RTL10: variants seen among roughly 807,000 people sequenced by gnomAD.
The protein encoded by RTL10 is retrotransposon Gag like 10, also known as protein Bop.
For missense variants in RTL10, 477 were observed against 470.7 expected, an observed-to-expected ratio of 1.01 and a Z score of -0.12; for synonymous variants, 199 against 188.4, an observed-to-expected ratio of 1.06 and a Z score of -0.46.
At chr22:19,853,072 G>C (rs1042412510) in intron 2 of RTL10, among the ~76,000 whole-genome samples, 1 of 152,148 alleles carries the variant, frequency 6.6e-6, no homozygotes, top group Non-Finnish European at 1.5e-5. Flanking sequence ...TTCCCCGACA[G>C]AGCAGTGAGC....
In RTL10 at chr22:19,847,928, A is replaced by G. The variant is rs756799717; in HGVS notation, c.*3239T>C. On this transcript the variant is annotated 3_prime_UTR_variant, in exon 3 of 3. Coordinates refer to ENST00000328554, the MANE Select transcript of RTL10 (RefSeq NM_024627.6). ...AGTGAGGCACATACATGGCTTTACT[A>G]TTTTCCAGAGGGCCAACTGCTTTTA... 8.5e-5 allele frequency: 84 copies of G among 984,518 alleles called. No homozygotes were observed. The highest frequency in any genetic ancestry group is 9.8e-5 in the Non-Finnish European group (81 of 829,666). 61.0% of individuals were successfully genotyped at this position (984,518 alleles called of 1,614,324 possible). A position where few individuals can be genotyped will look rare whatever the true frequency, so the allele number is the denominator to read the frequency against.
chr22:19,852,083 G>C lies in RTL10; in HGVS notation c.179C>G (p.Thr60Arg), dbSNP rs143706825. The change falls in exon 3 of 3, where the codon ACG becomes AGG. Residue 60 changes from threonine to arginine, a missense_variant. Coordinates refer to ENST00000328554, the MANE Select transcript of RTL10 (RefSeq NM_024627.6). ...AGCTGTGCTCTTCTGCTCCATGGTC[G>C]TTCGCACACACACGGTGTCCCCACA... ...PCCGDTVCVR[T>R]TMEQKSTASG... 5 of 1,614,220 alleles carry C rather than the reference G, an allele frequency of 3.1e-6. No individual in the cohort carries two copies. Among genetic ancestry groups the C allele is most frequent in the South Asian group, 2.2e-5 (2 of 91,090 alleles).
Position 19,849,667 on chromosome 22 carries a change from A to C in RTL10, c.*1500T>G. The C allele has an allele frequency of 1.0e-6, 1 of 985,030 alleles. No individual in the cohort carries two copies. Among genetic ancestry groups the C allele is most frequent in the South Asian group, 4.7e-5 (1 of 21,280 alleles). 61.0% of individuals were successfully genotyped at this position (985,030 alleles called of 1,614,324 possible). A position where few individuals can be genotyped will look rare whatever the true frequency, so the allele number is the denominator to read the frequency against. On this transcript the variant is annotated 3_prime_UTR_variant, in exon 3 of 3. Transcript: ENST00000328554. ...CAGGTGTGAGACACTGCTCCCGGCC[A>C]GTTTCTGAATAAGTTTAATCAGATG...
Position 19,846,448 on chromosome 22 carries a change from T to G in RTL10, c.*4719A>C. The stretch of plus-strand genomic sequence containing the variant: ...GCTTGGCCATCCCCACTCCTCAGTA[T>G]GGGCCCCAGAACCCAGGGCCTGGGG... On this transcript the variant is annotated 3_prime_UTR_variant, in exon 3 of 3. Coordinates refer to ENST00000328554, the MANE Select transcript of RTL10 (RefSeq NM_024627.6). 5.1e-6 allele frequency: 5 copies of G among 985,328 alleles called. No individual in the cohort carries two copies. The highest frequency in any genetic ancestry group is 6.0e-6 in the Non-Finnish European group (5 of 829,852). 61.0% of individuals were successfully genotyped at this position (985,328 alleles called of 1,614,324 possible). A position where few individuals can be genotyped will look rare whatever the true frequency, so the allele number is the denominator to read the frequency against.
In RTL10 at chr22:19,850,143, C is replaced by T; in HGVS notation, c.*1024G>A. On this transcript the variant is annotated 3_prime_UTR_variant, in exon 3 of 3. Coordinates refer to ENST00000328554, the MANE Select transcript of RTL10 (RefSeq NM_024627.6). ...AAGCCCCTGCCAGAAACCACAGCTG[C>T]AATGCTGACCTGGAATGCTCATGGC... 2.0e-6 allele frequency: 2 copies of T among 985,590 alleles called. No individual in the cohort carries two copies. Among genetic ancestry groups the T allele is most frequent in the Non-Finnish European group, 2.4e-6 (2 of 830,056 alleles). 61.1% of individuals were successfully genotyped at this position (985,590 alleles called of 1,614,324 possible).
Position 19,852,179 on chromosome 22 carries a change from T to C in RTL10, c.83A>G (p.Gln28Arg). ...CCCAGGAGACGCCTTGTCCATCTGC[T>C]GCCATGGATGTGCGTTGGCATAATT... is the stretch of plus-strand genomic sequence containing the variant. ...AANYANAHPW[Q>R]QMDKASPGVA... Residue 28 changes from glutamine to arginine, a missense_variant, in exon 3 of 3, where the codon CAG becomes CGG. Coordinates refer to ENST00000328554, the MANE Select transcript of RTL10 (RefSeq NM_024627.6). The C allele has an allele frequency of 6.2e-7, 1 of 1,613,952 alleles. No individual in the cohort carries two copies. The highest frequency in any genetic ancestry group is 8.5e-7 in the Non-Finnish European group (1 of 1,180,016).
In RTL10 at chr22:19,852,465, G is replaced by A. The variant is rs897660150; in HGVS notation, c.-204C>T. Reference sequence around the variant, plus strand: ...GAGAAGAGCTGAGAGACTGTCAGTCGCAGGCCATCATCCGAGGCAATCTGT... The same window carrying A: ...GAGAAGAGCTGAGAGACTGTCAGTCACAGGCCATCATCCGAGGCAATCTGT... On this transcript the variant is annotated 5_prime_UTR_variant, in exon 3 of 3. Coordinates refer to ENST00000328554, the MANE Select transcript of RTL10 (RefSeq NM_024627.6). 2.5e-5 allele frequency: 15 copies of A among 597,588 alleles called. No individual in the cohort carries two copies. Among genetic ancestry groups the A allele is most frequent in the South Asian group, 1.2e-4 (5 of 42,254 alleles). 37.0% of individuals were successfully genotyped at this position (597,588 alleles called of 1,614,324 possible). A position where few individuals can be genotyped will look rare whatever the true frequency, so the allele number is the denominator to read the frequency against.
At chr22:19,854,062 G>A (rs1938176815) in intron 2 of RTL10, among the ~76,000 whole-genome samples, 1 of 152,180 alleles carries the variant, frequency 6.6e-6, no homozygotes, top group African/African-American at 2.4e-5. Flanking sequence ...CCTGCTTTGG[G>A]CCTGAGCCTT....
At position 19,850,089 on chromosome 22, in the gene RTL10, G is replaced by A. The variant is rs1457658068; in HGVS notation, c.*1078C>T. On this transcript the variant is annotated 3_prime_UTR_variant, in exon 3 of 3. Coordinates refer to ENST00000328554, the MANE Select transcript of RTL10 (RefSeq NM_024627.6). ...CCCACCCCCTACTCAGCCCCACCCAGCTTCTTTGATCAGACCCTTGGACCC... is the reference window on the plus strand; with the variant it reads ...CCCACCCCCTACTCAGCCCCACCCAACTTCTTTGATCAGACCCTTGGACCC... 1.4e-5 allele frequency: 14 copies of A among 983,036 alleles called. No homozygotes were observed. The highest frequency in any genetic ancestry group is 1.8e-5 in the African/African-American group (1 of 57,066). 60.9% of individuals were successfully genotyped at this position (983,036 alleles called of 1,614,324 possible).
At position 19,851,588 on chromosome 22, in the gene RTL10, A is replaced by G; in HGVS notation, c.674T>C (p.Leu225Pro). The G allele has an allele frequency of 1.2e-6, 2 of 1,602,688 alleles. No homozygotes were observed. Among genetic ancestry groups the G allele is most frequent in the Non-Finnish European group, 8.5e-7 (1 of 1,172,486 alleles). The change falls in exon 3 of 3, where the codon CTC becomes CCC. Residue 225 changes from leucine to proline, a missense_variant. Transcript: ENST00000328554. Reference protein sequence around the residue: ...YLARFLEGLALDMGTAPRSLP... With the variant: ...YLARFLEGLAPDMGTAPRSLP... The stretch of plus-strand genomic sequence containing the variant: ...AGACCTGGGGGCAGTACCCATGTCG[A>G]GTGCCAGGCCCTCTAAGAACCTAGC...
rs1212783201 is a variant in RTL10 at position 19,849,253 on chromosome 22, T to C, written c.*1914A>G. 6.1e-6 allele frequency: 6 copies of C among 984,996 alleles called. No homozygotes were observed. In the East Asian group the frequency reaches 3.4e-4, roughly 56 times the overall value. 61.0% of individuals were successfully genotyped at this position (984,996 alleles called of 1,614,324 possible). ...CCAGTTGTTTTACCTACAAGGTATC[T>C]GTGCCCTGAAATAACTCACACATAA... is the stretch of plus-strand genomic sequence containing the variant. On this transcript the variant is annotated 3_prime_UTR_variant, in exon 3 of 3. Coordinates refer to ENST00000328554, the MANE Select transcript of RTL10 (RefSeq NM_024627.6).
Position 19,850,441 on chromosome 22 carries a change from T to G in RTL10, c.*726A>C. 2 of 995,098 alleles carry G rather than the reference T, an allele frequency of 2.0e-6. No homozygotes were observed. The highest frequency in any genetic ancestry group is 2.4e-6 in the Non-Finnish European group (2 of 836,752). The allele number at this position is 995,098 out of a possible 1,614,324, so 61.6% of individuals were successfully genotyped here. ...AGCACAGCAGCAGGGAAGAGGAGCCTGCTTCAGAACACCAGGCACGATTAG... is the reference window on the plus strand; with the variant it reads ...AGCACAGCAGCAGGGAAGAGGAGCCGGCTTCAGAACACCAGGCACGATTAG... On this transcript the variant is annotated 3_prime_UTR_variant, in exon 3 of 3. Coordinates refer to ENST00000328554, the MANE Select transcript of RTL10 (RefSeq NM_024627.6).
Position 19,847,736 on chromosome 22 carries a change from G to C in RTL10, c.*3431C>G. The C allele has an allele frequency of 2.1e-6, 2 of 973,232 alleles. No individual in the cohort carries two copies. Among genetic ancestry groups the C allele is most frequent in the Non-Finnish European group, 2.4e-6 (2 of 827,872 alleles). 60.3% of individuals were successfully genotyped at this position (973,232 alleles called of 1,614,324 possible). A position where few individuals can be genotyped will look rare whatever the true frequency, so the allele number is the denominator to read the frequency against. On this transcript the variant is annotated 3_prime_UTR_variant, in exon 3 of 3. Transcript: ENST00000328554. ...TTGTGTATTCCCACCAACAGTATGA[G>C]AAGGTCCACTTCTCCATACCTCCAC...
chr22:19,849,198 A>G lies in RTL10; in HGVS notation c.*1969T>C, dbSNP rs1938034947. ...CTACCAGGGCTATACCTGCTTTCTA[A>G]AAATAGCTTCCCACCTATTTCCAAG... On this transcript the variant is annotated 3_prime_UTR_variant, in exon 3 of 3. Coordinates refer to ENST00000328554, the MANE Select transcript of RTL10 (RefSeq NM_024627.6). 1 of 985,274 alleles carries G rather than the reference A, an allele frequency of 1.0e-6. No individual in the cohort carries two copies. The highest frequency in any genetic ancestry group is 1.2e-6 in the Non-Finnish European group (1 of 829,920). The allele number at this position is 985,274 out of a possible 1,614,324, so 61.0% of individuals were successfully genotyped here. A position where few individuals can be genotyped will look rare whatever the true frequency, so the allele number is the denominator to read the frequency against.
chr22:19,851,729 ACTTC>A lies in RTL10; in HGVS notation c.529_532del (p.Glu177LeufsTer35), dbSNP rs1411329035. ...AGCAAAACTGTTCGGGTCTTGAACA[ACTTC>A]CTTGAGATCCTGGCAGAAGAGCTCG... is the stretch of plus-strand genomic sequence containing the variant. On this transcript the variant is annotated frameshift_variant, in exon 3 of 3. Coordinates refer to ENST00000328554, the MANE Select transcript of RTL10 (RefSeq NM_024627.6). LOFTEE classifies it low-confidence loss of function (END_TRUNC). 2 of 1,605,960 alleles carry A rather than the reference ACTTC, an allele frequency of 1.2e-6. No individual in the cohort carries two copies. The highest frequency in any genetic ancestry group is 2.7e-5 in the African/African-American group (2 of 74,706).
rs888625438 is a variant in RTL10 at position 19,847,770 on chromosome 22, G to T, written c.*3397C>A. 3 of 880,016 alleles carry T rather than the reference G, an allele frequency of 3.4e-6. No homozygotes were observed. Among genetic ancestry groups the T allele is most frequent in the African/African-American group, 2.4e-5 (1 of 41,034 alleles). The allele number at this position is 880,016 out of a possible 1,614,324, so 54.5% of individuals were successfully genotyped here. A position where few individuals can be genotyped will look rare whatever the true frequency, so the allele number is the denominator to read the frequency against. ...CTTCTCCATACCTCCACAACTCTGGGCATCTAAAACTTTTAAAATCCTGGA... is the reference window on the plus strand; with the variant it reads ...CTTCTCCATACCTCCACAACTCTGGTCATCTAAAACTTTTAAAATCCTGGA... On this transcript the variant is annotated 3_prime_UTR_variant, in exon 3 of 3. Coordinates refer to ENST00000328554, the MANE Select transcript of RTL10 (RefSeq NM_024627.6).
Position 19,851,378 on chromosome 22 carries a change from G to T in RTL10, c.884C>A (p.Ala295Glu). ...CAGTCTAGGGACAGGTGTGGGGGCT[G>T]CCTCCTCTGGCTGGGAAGAGGCTGG... is the stretch of plus-strand genomic sequence containing the variant. ...VEPASSQPEE[A>E]APTPVPRLSE... is the part of the protein sequence containing the mutation. Residue 295 changes from alanine (A) to glutamate (E), a missense_variant, in exon 3 of 3, where the codon GCA becomes GAA. Transcript: ENST00000328554. The T allele has an allele frequency of 3.7e-6, 6 of 1,614,138 alleles. No individual in the cohort carries two copies. In the South Asian group the frequency reaches 6.6e-5, roughly 18 times the overall value.
At position 19,848,071 on chromosome 22, in the gene RTL10, C is replaced by T. The variant is rs1938008448; in HGVS notation, c.*3096G>A. 8.1e-6 allele frequency: 8 copies of T among 985,258 alleles called. No homozygotes were observed. The South Asian group carries it at 2.3e-4, about 29-fold the overall frequency. 61.0% of individuals were successfully genotyped at this position (985,258 alleles called of 1,614,324 possible). On this transcript the variant is annotated 3_prime_UTR_variant, in exon 3 of 3. Transcript: ENST00000328554. ...CTGCTCATCTGTCCACATCTAAGTG[C>T]TTTAACTATTGTGGCTTTATAAAAT...
In RTL10 at chr22:19,850,448, G is replaced by T. The variant is rs1454964444; in HGVS notation, c.*719C>A. On this transcript the variant is annotated 3_prime_UTR_variant, in exon 3 of 3. Coordinates refer to ENST00000328554, the MANE Select transcript of RTL10 (RefSeq NM_024627.6). ...CAGCAGGGAAGAGGAGCCTGCTTCA[G>T]AACACCAGGCACGATTAGAGCTACA... 1 of 998,154 alleles carries T rather than the reference G, an allele frequency of 1.0e-6. No individual in the cohort carries two copies. Among genetic ancestry groups the T allele is most frequent in the East Asian group, 1.1e-4 (1 of 9,438 alleles). The allele number at this position is 998,154 out of a possible 1,614,324, so 61.8% of individuals were successfully genotyped here.
Sources: gnomAD v4.1 joint callset for allele counts (sites outside exome capture counted in the v4.1 genomes callset) on GRCh38, gnomAD v4.1.1 for gene constraint, MANE v1.5 for transcripts, NCBI Gene and HGNC (gene_info 2026-07-23, HGNC 2026-07-21) for gene names.